The following SETBP1 variants were observed in gnomAD, a reference collection of about 807,000 sequenced individuals.
SETBP1 encodes SET binding protein 1, also known as SET-binding protein.
SETBP1 carries 9 observed loss-of-function variants against 101.0 expected under a neutral mutation model. The ratio of observed to expected loss-of-function variants is 0.09; its 90% CI spans 0.05 to 0.16. The LOEUF (loss-of-function observed/expected upper bound fraction) is 0.16. Ranked by LOEUF, SETBP1 falls within the 10% of genes least tolerant of loss-of-function variation. SETBP1 has a pLI of 1.00. For missense variants in SETBP1, 1,858 were observed against 2,033.8 expected (o/e 0.91, Z 1.66); for synonymous variants, 818 against 788.5 (o/e 1.04, Z -0.63).
chr18:44,820,497 G>A (rs1315403084), intron 2 of SETBP1, among the ~76,000 whole-genome samples: 1 of 152,176 alleles, frequency 6.6e-6, no homozygotes, highest in Non-Finnish European at 1.5e-5. Context: ...TCTGAATGGT[G>A]GTGGGTGGGG....
chr18:44,945,137 T>C (rs1285589918), intron 3 of SETBP1, among the ~76,000 whole-genome samples: 1 of 152,150 alleles, frequency 6.6e-6, no homozygotes, highest in Non-Finnish European at 1.5e-5. Context: ...CTCCTAATGC[T>C]ATCCCTCCGC....
chr18:44,888,520 A>G (rs1568201758), intron 3 of SETBP1, among the ~76,000 whole-genome samples: 1 of 152,156 alleles, frequency 6.6e-6, no homozygotes, highest in Non-Finnish European at 1.5e-5. Flanking sequence ...CATTTGGTGC[A>G]AAGCAAATGT....
chr18:45,021,058 T>C (rs549356271), intron 4 of SETBP1, among the ~76,000 whole-genome samples: 2 of 152,334 alleles, frequency 1.3e-5, no homozygotes, highest in South Asian at 4.1e-4. Context: ...GCAATGACAT[T>C]GTTACTAAGG....
chr18:44,701,217 C>T lies in SETBP1; in HGVS notation c.-130C>T, dbSNP rs751145329. On this transcript the variant is annotated 5_prime_UTR_variant, in exon 2 of 6. Transcript: ENST00000649279. ...TCTGAACACCTCATCGTGTCTCCAT[C>T]CCTGGGAATCTGACCCTAGCAACTG... is the stretch of plus-strand genomic sequence containing the variant. 6 of 979,900 alleles carry T rather than the reference C, an allele frequency of 6.1e-6. No individual in the cohort carries two copies. The Admixed American group carries it at 8.9e-5, about 14-fold the overall frequency. 60.7% of individuals were successfully genotyped at this position (979,900 alleles called of 1,614,324 possible).
At chr18:44,818,378 C>A (rs1271832000) in intron 2 of SETBP1, among the ~76,000 whole-genome samples, 1 of 152,166 alleles carries the variant, frequency 6.6e-6, no homozygotes, top group Non-Finnish European at 1.5e-5. Flanking sequence ...TGAGGCCCAG[C>A]CGGGCAGTGA....
intron 2 of SETBP1, among the ~76,000 whole-genome samples, chr18:44,826,107 A>C (rs889783981): frequency 5.3e-5 from 8 of 152,236 alleles, no homozygotes; most frequent in African/African-American, 1.9e-4. Context: ...GTCGTCTCTC[A>C]AGGAAGGTCA....
chr18:44,697,832 T>C (rs1433087552), intron 1 of SETBP1, among the ~76,000 whole-genome samples: 1 of 152,220 alleles, frequency 6.6e-6, no homozygotes, highest in Admixed American at 6.5e-5. Context: ...GGGGATGATC[T>C]GGAAATATGG....
intron 3 of SETBP1, among the ~76,000 whole-genome samples, chr18:44,931,697 CCT>C (rs1288123988): frequency 6.6e-6 from 1 of 152,118 alleles, no homozygotes; most frequent in Non-Finnish European, 1.5e-5. Context: ...TATGCAATGG[CCT>C]TCTTTGTCTC....
At chr18:44,784,174 A>G (rs1368316210) in intron 2 of SETBP1, among the ~76,000 whole-genome samples, 1 of 152,256 alleles carries the variant, frequency 6.6e-6, no homozygotes, top group African/African-American at 2.4e-5. Flanking sequence ...TAAAGATACA[A>G]TGCAGAAAAT....
chr18:44,898,264 A>G (rs987785929), intron 3 of SETBP1, among the ~76,000 whole-genome samples: 1 of 152,194 alleles, frequency 6.6e-6, no homozygotes, highest in Non-Finnish European at 1.5e-5. Context: ...ATTAAGCACC[A>G]ATGGGTTTCC....
intron 3 of SETBP1, among the ~76,000 whole-genome samples, chr18:44,903,535 G>A (rs917589157): frequency 6.6e-6 from 1 of 152,168 alleles, no homozygotes; most frequent in African/African-American, 2.4e-5. Flanking sequence ...TGACATAGAT[G>A]ATGAGAGAGA....
chr18:44,984,959 G>A (rs899829603), intron 4 of SETBP1, among the ~76,000 whole-genome samples: 3 of 152,278 alleles, frequency 2.0e-5, no homozygotes, highest in African/African-American at 7.2e-5. Context: ...CGGCCAACAT[G>A]GTGAAACCCT....
At chr18:45,024,688 G>C (rs1203723640) in intron 4 of SETBP1, among the ~76,000 whole-genome samples, 1 of 152,172 alleles carries the variant, frequency 6.6e-6, no homozygotes, top group African/African-American at 2.4e-5. Context: ...GCAGTGGTTG[G>C]AACCAACACA....
chr18:44,717,212 G>A (rs1184151415), intron 2 of SETBP1, among the ~76,000 whole-genome samples: 2 of 152,190 alleles, frequency 1.3e-5, no homozygotes, highest in African/African-American at 4.8e-5. Context: ...GCTGGAATCA[G>A]AGTTTCTCAC....
chr18:45,026,489 A>T (rs1022353295), intron 4 of SETBP1, among the ~76,000 whole-genome samples: 1 of 152,012 alleles, frequency 6.6e-6, no homozygotes, highest in African/African-American at 2.4e-5. Flanking sequence ...CCTTGATTTT[A>T]CTTTACCGAA....
At chr18:44,781,662 C>A (rs1049477915) in intron 2 of SETBP1, among the ~76,000 whole-genome samples, 8 of 152,112 alleles carry the variant, frequency 5.3e-5, no homozygotes, top group Non-Finnish European at 7.4e-5. Context: ...CTCATAGATT[C>A]CCCTCTTGAA....
At chr18:44,787,137 G>A (rs1270178940) in intron 2 of SETBP1, among the ~76,000 whole-genome samples, 2 of 152,168 alleles carry the variant, frequency 1.3e-5, no homozygotes, top group African/African-American at 2.4e-5. Flanking sequence ...CTCTCTTTAG[G>A]AATAATTTTA....
chr18:44,824,480 A>G (rs918270589), intron 2 of SETBP1, among the ~76,000 whole-genome samples: 1 of 152,126 alleles, frequency 6.6e-6, no homozygotes, highest in Non-Finnish European at 1.5e-5. Flanking sequence ...ATTTATTCAT[A>G]ATTTTAACAA....
At chr18:44,956,697 C>T (rs980984088) in intron 4 of SETBP1, among the ~76,000 whole-genome samples, 8 of 152,218 alleles carry the variant, frequency 5.3e-5, no homozygotes, top group African/African-American at 1.9e-4. Context: ...GCTTTGAGTG[C>T]TCCCTGAGAT....
Sources: allele counts gnomAD v4.1 joint callset (sites outside exome capture counted in the v4.1 genomes callset), GRCh38; gene constraint gnomAD v4.1.1; transcripts MANE v1.5; gene names NCBI Gene and HGNC (gene_info 2026-07-23, HGNC 2026-07-21).